Variants in BMP2 observed in about 807,000 individuals in gnomAD.
BMP2 encodes the protein bone morphogenetic protein 2.
BMP2 carries 2 observed loss-of-function variants against 28.8 expected under a neutral mutation model. That is an observed-to-expected ratio of 0.07 (90% confidence interval 0.03 to 0.22). The LOEUF is 0.22. Among genes scored for constraint, BMP2 ranks in the 10% least tolerant of loss-of-function variants. The probability of loss-of-function intolerance (pLI) is 1.00; values close to 1 mark genes in which losing one functional copy is unlikely to be tolerated. For synonymous variants in BMP2, 218 were observed against 204.3 expected (o/e 1.07, Z -0.57); for missense variants, 437 against 517.7 (o/e 0.84, Z 1.51).
At chr20:6,773,710 T>C (rs1986444430) in intron 2 of BMP2, among the ~76,000 whole-genome samples, 1 of 152,208 alleles carries the variant, frequency 6.6e-6, no homozygotes, top group Non-Finnish European at 1.5e-5. Context: ...TAAAATGGAA[T>C]GTTTTTAACC....
intron 2 of BMP2, 95 bp downstream of exon 2, chr20:6,770,567 C>G: frequency 8.0e-7 from 1 of 1,253,390 alleles, no homozygotes; most frequent in South Asian, 1.6e-5. Flanking sequence ...GCAGCTTGGC[C>G]GGGGCACCAG....
At chr20:6,772,660 T>C (rs919042860) in intron 2 of BMP2, among the ~76,000 whole-genome samples, 5 of 152,234 alleles carry the variant, frequency 3.3e-5, no homozygotes, top group Admixed American at 6.5e-5. Context: ...ATCATAAGAA[T>C]TACCTGTTGG....
At chr20:6,775,191 G>A (rs548424017) in intron 2 of BMP2, among the ~76,000 whole-genome samples, 1 of 152,058 alleles carries the variant, frequency 6.6e-6, no homozygotes, top group Non-Finnish European at 1.5e-5. Context: ...GCATCCTCAG[G>A]GTTGCTGTGA....
rs770559493 is a variant in BMP2, at chr20:6,770,462, C to T, written c.336C>T (p.Phe112=). ...GCCGAGCCAACACTGTGCGCAGCTT[C>T]CACCATGAAGGTGAGGCATGGAGCA... The part of the protein sequence containing the change: ...AASRANTVRS[F]HHEESLEELP... Residue 112 remains phenylalanine (F), a synonymous_variant, in exon 2 of 3, where the codon TTC becomes TTT. Transcript: ENST00000378827. 23 of 1,593,064 alleles carry T rather than the reference C, an allele frequency of 1.4e-5. 1 individual carries two copies. Among genetic ancestry groups the T allele is most frequent in the Non-Finnish European group, 1.9e-5 (22 of 1,166,072 alleles).
At position 6,776,522 on chromosome 20, in the gene BMP2, A is replaced by G. The variant is rs1453817748; in HGVS notation, c.347-1723A>G. 3.3e-5 allele frequency among the ~76,000 whole-genome samples: 5 copies of G among 152,302 alleles called. No homozygotes were observed. In the East Asian group the frequency reaches 9.6e-4, roughly 29 times the overall value. The stretch of plus-strand genomic sequence containing the variant: ...GGCAATCTATACTGGAATATGAAAA[A>G]CATGCTGCAAAACCTTGACACTCCA... On this transcript the variant is annotated intron_variant, in intron 2 of 2. Transcript: ENST00000378827.
At chr20:6,777,428 A>G (rs1027030211) in intron 2 of BMP2, among the ~76,000 whole-genome samples, 1 of 152,058 alleles carries the variant, frequency 6.6e-6, no homozygotes, top group African/African-American at 2.4e-5. Context: ...TTTATCTTTC[A>G]AAACTATAAA....
In BMP2 at chr20:6,770,048, C is replaced by G. The variant is rs532833871; in HGVS notation, c.-7-72C>G. The G allele has an allele frequency of 2.3e-4, 331 of 1,439,918 alleles. 1 individual carries two copies. The African/African-American group carries it at 4.4e-3, about 19-fold the overall frequency. The allele number at this position is 1,439,918 out of a possible 1,614,324, so 89.2% of individuals were successfully genotyped here. A position where few individuals can be genotyped will look rare whatever the true frequency, so the allele number is the denominator to read the frequency against. ...GGAGGCACGCCAGCCAAATGGGAGA[C>G]CGGGCCGCGGGGGCGCGAGGGGGGA... is the stretch of plus-strand genomic sequence containing the variant. On this transcript the variant is annotated intron_variant, in intron 1 of 2. Transcript: ENST00000378827.
Position 6,778,807 on chromosome 20 carries a change from G to A in BMP2, c.909G>A (p.Val303=), listed in dbSNP as rs1285337702. The change falls in exon 3 of 3, where the codon GTG becomes GTA. Residue 303 remains valine (V), a synonymous_variant. Transcript: ENST00000378827. This position sits in a 1 kb window ranked among gnomAD's most constrained non-coding sequence, Gnocchi z 5.0. ...GCTGTAAGAGACACCCTTTGTACGT[G>A]GACTTCAGTGACGTGGGGTGGAATG... ...KSSCKRHPLY[V]DFSDVGWNDW... 3 of 1,614,126 alleles carry A rather than the reference G, an allele frequency of 1.9e-6. No individual in the cohort carries two copies. The highest frequency in any genetic ancestry group is 2.2e-5 in the South Asian group (2 of 91,080).
chr20:6,770,333 C>G lies in BMP2; in HGVS notation c.207C>G (p.Pro69=), dbSNP rs750747484. The G allele has an allele frequency of 5.0e-6, 8 of 1,613,532 alleles. No individual in the cohort carries two copies. Among genetic ancestry groups the G allele is most frequent in the South Asian group, 1.1e-5 (1 of 91,082 alleles). Reference sequence around the variant, plus strand: ...TCGGCCTGAAACAGAGACCCACCCCCAGCAGGGACGCCGTGGTGCCCCCCT... The same window carrying G: ...TCGGCCTGAAACAGAGACCCACCCCGAGCAGGGACGCCGTGGTGCCCCCCT... ...SMFGLKQRPT[P]SRDAVVPPYM... Residue 69 remains proline, a synonymous_variant, in exon 2 of 3, where the codon CCC becomes CCG. Transcript: ENST00000378827.
intron 2 of BMP2, among the ~76,000 whole-genome samples, chr20:6,777,094 T>G (rs1986515756): frequency 6.6e-6 from 1 of 152,214 alleles, no homozygotes. Context: ...TACTACCAGT[T>G]TAATAATAAT....
Position 6,778,704 on chromosome 20 carries a change from A to G in BMP2, c.806A>G (p.His269Arg), listed in dbSNP as rs191265322. Reference sequence around the variant, plus strand: ...AGGCCATTGCTAGTAACTTTTGGCCATGATGGAAAAGGGCATCCTCTCCAC... The same window carrying G: ...AGGCCATTGCTAGTAACTTTTGGCCGTGATGGAAAAGGGCATCCTCTCCAC... ...QIRPLLVTFG[H>R]DGKGHPLHKR... is the part of the protein sequence containing the mutation. The change falls in exon 3 of 3, where the codon CAT (histidine) becomes CGT (arginine). Residue 269 changes from histidine (H) to arginine (R), a missense_variant. Coordinates refer to ENST00000378827, the MANE Select transcript of BMP2 (RefSeq NM_001200.4). This position sits in a 1 kb window ranked among gnomAD's most constrained non-coding sequence, Gnocchi z 5.0. 72 of 1,614,196 alleles carry G rather than the reference A, an allele frequency of 4.5e-5. 1 individual carries two copies. The Admixed American group carries it at 5.2e-4, about 12-fold the overall frequency.
chr20:6,775,372 A>G (rs1052371935), intron 2 of BMP2, among the ~76,000 whole-genome samples: 4 of 152,292 alleles, frequency 2.6e-5, no homozygotes, highest in African/African-American at 7.2e-5. Flanking sequence ...GTGAACGTCT[A>G]ACTTACCTCT....
At position 6,767,799 on chromosome 20, in the gene BMP2, G is replaced by A; in HGVS notation, c.-1084G>A. On this transcript the variant is annotated 5_prime_UTR_variant, in exon 1 of 3. Coordinates refer to ENST00000378827, the MANE Select transcript of BMP2 (RefSeq NM_001200.4). The stretch of plus-strand genomic sequence containing the variant: ...CCGCCGGGGACTGGCAGCCGCCGCC[G>A]CACATCTGCCGCCACAGCCTCCGCC... The A allele has an allele frequency of 3.3e-6, 1 of 305,382 alleles. No individual in the cohort carries two copies. The highest frequency in any genetic ancestry group is 6.0e-6 in the Non-Finnish European group (1 of 167,228). 18.9% of individuals were successfully genotyped at this position (305,382 alleles called of 1,614,324 possible).
intron 2 of BMP2, among the ~76,000 whole-genome samples, chr20:6,775,439 G>T (rs1178204023): frequency 1.3e-5 from 2 of 152,084 alleles, no homozygotes; most frequent in Non-Finnish European, 2.9e-5. Context: ...TTGAGGATGG[G>T]ACCTTTCAAG....
At chr20:6,770,055 G>T (rs1302419735) in intron 1 of BMP2, 65 bp from the exon 2 acceptor site, 15 of 1,453,848 alleles carry the variant, frequency 1.0e-5, no homozygotes, top group South Asian at 4.1e-5. Context: ...AGACCGGGCC[G>T]CGGGGGCGCG....
At chr20:6,772,811 T>C (rs1457635285) in intron 2 of BMP2, among the ~76,000 whole-genome samples, 10 of 152,256 alleles carry the variant, frequency 6.6e-5, no homozygotes, top group Non-Finnish European at 2.9e-5. Flanking sequence ...ATTTTTCCTA[T>C]TGAATTTTGT....
chr20:6,773,795 T>C (rs1391005128), intron 2 of BMP2, among the ~76,000 whole-genome samples: 1 of 152,228 alleles, frequency 6.6e-6, no homozygotes, highest in African/African-American at 2.4e-5. Context: ...TATATTATAC[T>C]CAGCCTCTTT....
At chr20:6,770,509 C>A in intron 2 of BMP2, 37 bp downstream of exon 2, 1 of 1,534,734 alleles carries the variant, frequency 6.5e-7, no homozygotes, top group Admixed American at 1.9e-5. Context: ...CGGGGAGTCA[C>A]CCTGCAAAGC....
chr20:6,773,463 G>A (rs1163615570), intron 2 of BMP2, among the ~76,000 whole-genome samples: 4 of 152,334 alleles, frequency 2.6e-5, no homozygotes, highest in African/African-American at 9.6e-5. Context: ...CCTTGGCACT[G>A]ACATTTTCCG....
Sources: gnomAD v4.1 joint callset for allele counts (sites outside exome capture counted in the v4.1 genomes callset) on GRCh38, gnomAD v4.1.1 for gene constraint, Gnocchi (gnomAD v3.1) non-coding constraint, MANE v1.5 for transcripts, NCBI Gene and HGNC (gene_info 2026-07-23, HGNC 2026-07-21) for gene names.